Variants in MACROD2 observed in about 807,000 individuals in gnomAD.
MACROD2 encodes mono-ADP ribosylhydrolase 2.
A neutral mutation model predicts 70.4 loss-of-function variants in MACROD2; 36 were observed. The ratio of observed to expected loss-of-function variants is 0.51; its 90% confidence interval spans 0.39 to 0.68. The LOEUF is 0.68. Ranked by LOEUF, MACROD2 falls within the 30% of genes least tolerant of loss-of-function variation. The pLI, the probability that MACROD2 is intolerant of heterozygous loss-of-function variation, is 0.00. For synonymous variants in MACROD2, 172 were observed against 178.8 expected, an observed-to-expected ratio of 0.96 and a Z score of 0.30; for missense variants, 496 against 538.4, an observed-to-expected ratio of 0.92 and a Z score of 0.78.
chr20:15,684,465 C>T (rs1018508721), intron 8 of MACROD2, among the ~76,000 whole-genome samples: 5 of 152,188 alleles, frequency 3.3e-5, no homozygotes, highest in African/African-American at 1.2e-4. Context: ...CAGACTAGGA[C>T]GGCTACCACA....
chr20:15,358,801 G>C (rs2078318524), intron 6 of MACROD2, among the ~76,000 whole-genome samples: 1 of 144,600 alleles, frequency 6.9e-6, no homozygotes, highest in African/African-American at 2.7e-5. Flanking sequence ...AAGAAGAAGA[G>C]CTCTTGTTCC....
intron 5 of MACROD2, among the ~76,000 whole-genome samples, chr20:15,192,038 CTA>C (rs2076575614): frequency 1.3e-5 from 2 of 151,208 alleles, no homozygotes; most frequent in South Asian, 4.2e-4. Context: ...ATCTATCTAT[CTA>C]TCTATCTATC....
intron 8 of MACROD2, among the ~76,000 whole-genome samples, chr20:15,738,197 G>T (rs1036955611): frequency 6.6e-6 from 1 of 152,068 alleles, no homozygotes; most frequent in African/African-American, 2.4e-5. Flanking sequence ...CAGTATAATT[G>T]GACTGCTTGT....
Position 14,748,716 on chromosome 20 carries a change from A to C in MACROD2, c.418+63757A>C, listed in dbSNP as rs558385248. On this transcript the variant is annotated intron_variant, in intron 5 of 17. Transcript: ENST00000684519. ...TTAGTACCTATGAACTTTCCAAACT[A>C]GTTAATGCTGTTTTGAGTTGAATTG... Among the ~76,000 whole-genome samples the C allele has an allele frequency of 6.6e-5, 10 of 152,236 alleles. No homozygotes were observed. In the South Asian group the frequency reaches 2.1e-3, roughly 32 times the overall value.
At chr20:14,099,019 C>G (rs1291464240) in intron 3 of MACROD2, among the ~76,000 whole-genome samples, 1 of 152,188 alleles carries the variant, frequency 6.6e-6, no homozygotes, top group Non-Finnish European at 1.5e-5. Flanking sequence ...GTGGCTCACG[C>G]CTGTAATCCC....
At chr20:15,923,922 A>C (rs1417092393) in intron 10 of MACROD2, among the ~76,000 whole-genome samples, 1 of 152,202 alleles carries the variant, frequency 6.6e-6, no homozygotes, top group Non-Finnish European at 1.5e-5. Flanking sequence ...CATTATTGGA[A>C]ATCTGTAATT....
chr20:14,083,823 GT>G, intron 2 of MACROD2, among the ~76,000 whole-genome samples: 1 of 152,060 alleles, frequency 6.6e-6, no homozygotes, highest in East Asian at 1.9e-4. Context: ...GCTCACGCTT[GT>G]AATCCCAGCA....
chr20:14,860,579 C>T (rs1223416782), intron 5 of MACROD2, among the ~76,000 whole-genome samples: 1 of 152,116 alleles, frequency 6.6e-6, no homozygotes, highest in Admixed American at 6.5e-5. Context: ...CTAATTGCAA[C>T]TTGTGCTTAT....
At chr20:15,486,607 C>T (rs994761181) in intron 7 of MACROD2, among the ~76,000 whole-genome samples, 1 of 152,154 alleles carries the variant, frequency 6.6e-6, no homozygotes, top group Non-Finnish European at 1.5e-5. Flanking sequence ...ACTCTAAAGC[C>T]AGGGTTTCTC....
At chr20:15,068,737 A>G (rs2075596849) in intron 5 of MACROD2, among the ~76,000 whole-genome samples, 1 of 152,180 alleles carries the variant, frequency 6.6e-6, no homozygotes, top group South Asian at 2.1e-4. Context: ...CTGTCAGCCA[A>G]ATACACCTGT....
chr20:14,252,780 C>T (rs1042749151), intron 3 of MACROD2, among the ~76,000 whole-genome samples: 4 of 151,932 alleles, frequency 2.6e-5, no homozygotes, highest in African/African-American at 9.7e-5. Flanking sequence ...TTTCTTCTTG[C>T]ATTGTTTAGT....
At chr20:15,512,138 G>C (rs567701936) in intron 8 of MACROD2, among the ~76,000 whole-genome samples, 54 of 152,194 alleles carry the variant, frequency 3.5e-4, no homozygotes, top group Non-Finnish European at 6.2e-4. Context: ...GTCTAGGGTT[G>C]GGGCTGTATT....
intron 5 of MACROD2, among the ~76,000 whole-genome samples, chr20:14,687,546 G>T (rs1600541107): frequency 1.3e-5 from 2 of 152,176 alleles, no homozygotes; most frequent in South Asian, 4.1e-4. Context: ...TCGAACTGAA[G>T]TGTGGCTTTC....
intron 6 of MACROD2, among the ~76,000 whole-genome samples, chr20:15,316,718 C>T (rs940999302): frequency 1.3e-5 from 2 of 152,062 alleles, no homozygotes; most frequent in African/African-American, 4.8e-5. Flanking sequence ...TTTGAACACT[C>T]CATTCCACAA....
chr20:15,967,092 G>A (rs372771240), intron 12 of MACROD2, among the ~76,000 whole-genome samples: 11 of 152,132 alleles, frequency 7.2e-5, no homozygotes, highest in African/African-American at 1.9e-4. Flanking sequence ...TATGGTTCCC[G>A]AGGAAGATGA....
At chr20:14,848,969 C>T (rs2073171343) in intron 5 of MACROD2, among the ~76,000 whole-genome samples, 1 of 152,126 alleles carries the variant, frequency 6.6e-6, no homozygotes, top group Non-Finnish European at 1.5e-5. Context: ...ATTTTTCTCA[C>T]AGGAACAGCA....
At chr20:15,235,788 C>T (rs375479565) in intron 6 of MACROD2, among the ~76,000 whole-genome samples, 7 of 152,148 alleles carry the variant, frequency 4.6e-5, no homozygotes, top group African/African-American at 1.4e-4. Context: ...AAAAGCTGAC[C>T]CTTTCATTTG....
Position 15,428,355 on chromosome 20 carries a change from A to G in MACROD2, c.541-3050A>G, listed in dbSNP as rs1384609280. The stretch of plus-strand genomic sequence containing the variant: ...CCTTTGAAAGAGTTCAGAACATACA[A>G]CCCAAAAATGTGCCCCTCTGGCACA... On this transcript the variant is annotated intron_variant, in intron 6 of 17. Coordinates refer to ENST00000684519, the MANE Select transcript of MACROD2 (RefSeq NM_001351661.2). 2.8e-4 allele frequency among the ~76,000 whole-genome samples: 43 copies of G among 152,206 alleles called. 1 individual carries two copies. Among genetic ancestry groups the G allele is most frequent in the Non-Finnish European group, 4.4e-5 (3 of 68,010 alleles).
intron 5 of MACROD2, among the ~76,000 whole-genome samples, chr20:14,746,740 A>G (rs10446030): frequency 0.4 from 61,497 of 151,948 alleles, 13,834 homozygotes; most frequent in Non-Finnish European, 0.51. Context: ...GCTGCTACCT[A>G]TGTGTCCTGA....
Sources: allele counts gnomAD v4.1 joint callset (sites outside exome capture counted in the v4.1 genomes callset), GRCh38; gene constraint gnomAD v4.1.1; transcripts MANE v1.5; gene names NCBI Gene and HGNC (gene_info 2026-07-23, HGNC 2026-07-21).